Variants in TULP4 observed in about 807,000 individuals in gnomAD.
The protein encoded by TULP4 is tubby-related protein 4.
Under a neutral mutation model 129.0 loss-of-function variants are expected in TULP4, and 16 were observed. That is an observed-to-expected ratio of 0.12 (90% CI 0.08 to 0.19). The LOEUF (loss-of-function observed/expected upper bound fraction) is 0.19. TULP4 is among the 10% of genes least tolerant of loss of function. The probability of loss-of-function intolerance (pLI) is 1.00; values close to 1 mark genes in which losing one functional copy is unlikely to be tolerated. For synonymous variants in TULP4, 998 were observed against 854.0 expected (o/e 1.17, Z -2.94); for missense variants, 1,842 against 2,059.1 (o/e 0.89, Z 2.04).
intron 1 of TULP4, among the ~76,000 whole-genome samples, chr6:158,336,028 A>G (rs1039660548): frequency 1.3e-5 from 2 of 152,230 alleles, no homozygotes; most frequent in Non-Finnish European, 2.9e-5. Context: ...TCTTTCCATA[A>G]TGATGAACCA....
At chr6:158,288,852 C>T (rs773980633) in intron 1 of TULP4, among the ~76,000 whole-genome samples, 2 of 152,158 alleles carry the variant, frequency 1.3e-5, no homozygotes, top group Non-Finnish European at 2.9e-5. Flanking sequence ...TAATCTTTTT[C>T]CCTGCTCTTT....
chr6:158,386,685 A>G (rs1777456411), intron 1 of TULP4, among the ~76,000 whole-genome samples: 1 of 152,258 alleles, frequency 6.6e-6, no homozygotes, highest in South Asian at 2.1e-4. Flanking sequence ...ATAGTGTTTA[A>G]GTACAGAGGC....
intron 6 of TULP4, among the ~76,000 whole-genome samples, chr6:158,462,497 C>T (rs1423858459): frequency 6.6e-6 from 1 of 151,394 alleles, no homozygotes; most frequent in East Asian, 1.9e-4. Context: ...CCTCAGCTTC[C>T]CGAGTAGCTG....
intron 2 of TULP4, among the ~76,000 whole-genome samples, chr6:158,424,238 G>T (rs928470826): frequency 6.6e-6 from 1 of 152,060 alleles, no homozygotes; most frequent in Non-Finnish European, 1.5e-5. Flanking sequence ...TATAATCTAT[G>T]CACATCATCT....
chr6:158,417,534 G>C (rs1200301916), intron 2 of TULP4, among the ~76,000 whole-genome samples: 1 of 152,204 alleles, frequency 6.6e-6, no homozygotes, highest in Non-Finnish European at 1.5e-5. Context: ...TCATTAAACA[G>C]TGGCATTCTG....
chr6:158,464,495 G>A (rs1029232052), intron 6 of TULP4, among the ~76,000 whole-genome samples: 3 of 152,274 alleles, frequency 2.0e-5, no homozygotes, highest in East Asian at 1.9e-4. Context: ...AACACCCCCC[G>A]CCGCAAGACG....
At chr6:158,480,940 T>C in intron 7 of TULP4, 115 bp from the exon 8 acceptor site, 1 of 892,134 alleles carries the variant, frequency 1.1e-6, no homozygotes, top group Non-Finnish European at 1.7e-6. Context: ...CCCCAGCCTG[T>C]GCTCTGTCTG....
chr6:158,499,330 G>A (rs1018351266), intron 12 of TULP4, among the ~76,000 whole-genome samples: 1 of 152,114 alleles, frequency 6.6e-6, no homozygotes, highest in Non-Finnish European at 1.5e-5. Context: ...CTCTTCCACC[G>A]CAACCGCATG....
chr6:158,454,028 C>CCT lies in TULP4; in HGVS notation c.859+1761_859+1762insTC, dbSNP rs1562573001. Reference sequence around the variant, plus strand: ...CATACCTGCCTCTGCACCGCCCCCCCCCAAGTAATTACTCTATTTTTAAAC... The same window carrying CCT: ...CATACCTGCCTCTGCACCGCCCCCCCCTCCAAGTAATTACTCTATTTTTAAAC... On this transcript the variant is annotated intron_variant, in intron 5 of 13. Transcript: ENST00000367097. 1.7e-4 allele frequency among the ~76,000 whole-genome samples: 25 copies of CCT among 148,946 alleles called. 2 individuals carry two copies. The South Asian group carries it at 4.6e-3, about 28-fold the overall frequency.
At chr6:158,298,622 G>A (rs1174148913) in intron 1 of TULP4, among the ~76,000 whole-genome samples, 5 of 152,174 alleles carry the variant, frequency 3.3e-5, no homozygotes, top group Admixed American at 3.3e-4. Context: ...GAGTCAAAAC[G>A]GGAGTTAACA....
intron 1 of TULP4, among the ~76,000 whole-genome samples, chr6:158,250,005 T>C (rs1160448116): frequency 6.6e-6 from 1 of 152,198 alleles, no homozygotes; most frequent in African/African-American, 2.4e-5. Flanking sequence ...GGAGTCTTGC[T>C]GTGTCACCCA....
upstream of TULP4, among the ~76,000 whole-genome samples, chr6:158,309,226 G>A (rs1287493850): frequency 1.8e-5 from 2 of 110,560 alleles, no homozygotes; most frequent in Non-Finnish European, 3.9e-5. Flanking sequence ...GGACGGCCGG[G>A]CAGAGACGCT....
At chr6:158,342,527 A>G (rs1257096721) in intron 1 of TULP4, among the ~76,000 whole-genome samples, 2 of 152,218 alleles carry the variant, frequency 1.3e-5, no homozygotes, top group African/African-American at 2.4e-5. Flanking sequence ...TGCATAGCCT[A>G]CCTGGTAGCT....
intron 1 of TULP4, among the ~76,000 whole-genome samples, chr6:158,305,509 G>A (rs1343171081): frequency 6.6e-6 from 1 of 151,398 alleles, no homozygotes; most frequent in Non-Finnish European, 1.5e-5. Context: ...AGACCAGCCT[G>A]GGCAATATAA....
intron 5 of TULP4, among the ~76,000 whole-genome samples, chr6:158,453,682 G>T (rs1402483237): frequency 6.6e-6 from 1 of 151,304 alleles, no homozygotes; most frequent in East Asian, 1.9e-4. Context: ...CCAGCTACTC[G>T]GGAGGCTGAG....
rs1780493657 is a variant in TULP4 at position 158,502,841 on chromosome 6, T to C, written c.3178T>C (p.Ser1060Pro). The C allele has an allele frequency of 6.2e-7, 1 of 1,613,160 alleles. No individual in the cohort carries two copies. Among genetic ancestry groups the C allele is most frequent in the Non-Finnish European group, 8.5e-7 (1 of 1,179,920 alleles). The change falls in exon 13 of 14, where the codon TCC becomes CCC. Residue 1060 changes from serine to proline, a missense_variant. By Grantham distance (74) the Ser-to-Pro change is moderately conservative. Coordinates refer to ENST00000367097, the MANE Select transcript of TULP4 (RefSeq NM_020245.5). ...GASLAHTASA[S>P]PLASQSSYSL... ...CTCCCTGGCCCATACCGCCAGCGCC[T>C]CCCCGTTGGCCTCCCAGTCCTCCTA...
intron 1 of TULP4, among the ~76,000 whole-genome samples, chr6:158,323,131 G>C (rs1352141751): frequency 6.6e-6 from 1 of 152,132 alleles, no homozygotes; most frequent in Non-Finnish European, 1.5e-5. Context: ...GGCTGACAAG[G>C]ACAAGGACCT....
chr6:158,511,269 A>G lies in TULP4; in HGVS notation c.*4575A>G, dbSNP rs904902325. The G allele has an allele frequency of 6.5e-6, 1 of 152,680 alleles. No individual in the cohort carries two copies. The highest frequency in any genetic ancestry group is 6.5e-5 in the Admixed American group (1 of 15,282). 9.5% of individuals were successfully genotyped at this position (152,680 alleles called of 1,614,324 possible). On this transcript the variant is annotated 3_prime_UTR_variant, in exon 14 of 14. Transcript: ENST00000367097. ...GCATGGGTTATGCGTTTGACTGAAA[A>G]AGACACTGTATTATTTACCAAAGGG...
intron 1 of TULP4, among the ~76,000 whole-genome samples, chr6:158,248,134 G>C (rs1224697258): frequency 5.3e-5 from 8 of 152,318 alleles, no homozygotes; most frequent in East Asian, 1.9e-4. Context: ...TAACAGATTA[G>C]AGAATGCCAT....
Sources: allele counts gnomAD v4.1 joint callset (sites outside exome capture counted in the v4.1 genomes callset), GRCh38; gene constraint gnomAD v4.1.1; transcripts MANE v1.5; gene names NCBI Gene and HGNC (gene_info 2026-07-23, HGNC 2026-07-21).